The following PTK2 variants were observed in gnomAD, a reference collection of about 807,000 sequenced individuals.
PTK2 encodes protein tyrosine kinase 2, also known as focal adhesion kinase 1.
In PTK2, 45 loss-of-function variants were observed where a neutral mutation model predicts 150.1. The ratio of observed to expected loss-of-function variants is 0.30; its 90% confidence interval spans 0.24 to 0.38. The LOEUF (loss-of-function observed/expected upper bound fraction) is 0.38, where lower values mean the gene tolerates loss of function less well. PTK2 is among the 10% of genes least tolerant of loss of function. The pLI, the probability that PTK2 is intolerant of heterozygous loss-of-function variation, is 1.00. For missense variants in PTK2, 919 were observed against 1,307.3 expected, an observed-to-expected ratio of 0.70 and a Z score of 4.58; for synonymous variants, 432 against 449.2, an observed-to-expected ratio of 0.96 and a Z score of 0.48.
At chr8:140,794,877 T>C (rs1266322049) in intron 12 of PTK2, among the ~76,000 whole-genome samples, 1 of 152,166 alleles carries the variant, frequency 6.6e-6, no homozygotes, top group East Asian at 1.9e-4. Flanking sequence ...CCTGAACTTG[T>C]CTACATGACA....
intron 1 of PTK2, among the ~76,000 whole-genome samples, chr8:140,928,972 T>A (rs1345591268): frequency 1.5e-5 from 2 of 137,044 alleles, no homozygotes; most frequent in Non-Finnish European, 3.1e-5. Context: ...TTTTTTTTTT[T>A]TTTTTTTTTT....
At chr8:140,658,615 C>T in exon 32 of PTK2, 1 of 205,046 alleles carries the variant, frequency 4.9e-6, no homozygotes, top group East Asian at 7.4e-5. Context: ...GGTTAGTTAA[C>T]TCCAGTGGCT....
At chr8:140,979,726 T>C (rs1216656305) in intron 1 of PTK2, among the ~76,000 whole-genome samples, 1 of 152,104 alleles carries the variant, frequency 6.6e-6, no homozygotes, top group Non-Finnish European at 1.5e-5. Context: ...CTCTTTCCCG[T>C]GATGTTCTCG....
intron 5 of PTK2, among the ~76,000 whole-genome samples, chr8:140,851,930 A>AGT (rs1339531714): frequency 2.6e-5 from 4 of 151,618 alleles, no homozygotes; most frequent in East Asian, 1.9e-4. Context: ...TTTGATGTTG[A>AGT]GTGTGTGTGT....
At chr8:140,700,737 A>T in intron 26 of PTK2, 154 bp downstream of exon 29, 3 of 969,644 alleles carry the variant, frequency 3.1e-6, no homozygotes, top group Non-Finnish European at 4.4e-6. Flanking sequence ...CAGCCTCCCA[A>T]ATAGGCCACC....
At chr8:140,853,498 T>C (rs1033689052) in intron 5 of PTK2, among the ~76,000 whole-genome samples, 5 of 151,884 alleles carry the variant, frequency 3.3e-5, no homozygotes, top group Admixed American at 3.3e-4. Context: ...GCTTCATCCA[T>C]GTCCCTACAA....
intron 3 of PTK2, among the ~76,000 whole-genome samples, chr8:140,881,616 TCTA>T (rs1307729075): frequency 2.6e-5 from 4 of 152,212 alleles, no homozygotes; most frequent in African/African-American, 4.8e-5. Flanking sequence ...GGTCACTTGG[TCTA>T]CTAACCTTCC....
chr8:140,855,272 C>A (rs1317806639), intron 5 of PTK2, among the ~76,000 whole-genome samples: 1 of 152,110 alleles, frequency 6.6e-6, no homozygotes, highest in African/African-American at 2.4e-5. Flanking sequence ...TCACAACAAT[C>A]CCCTCTGCCC....
intron 1 of PTK2, among the ~76,000 whole-genome samples, chr8:140,957,489 T>C (rs2100181596): frequency 6.6e-6 from 1 of 152,156 alleles, no homozygotes; most frequent in Non-Finnish European, 1.5e-5. Context: ...TGAAGAAAAA[T>C]ATTTTTTATA....
At chr8:140,947,768 T>G (rs1425901540) in intron 1 of PTK2, among the ~76,000 whole-genome samples, 1 of 152,152 alleles carries the variant, frequency 6.6e-6, no homozygotes, top group Non-Finnish European at 1.5e-5. Context: ...GATGAGGCTT[T>G]GGGCCTGGCC....
Position 140,738,744 on chromosome 8 carries a change from G to A in PTK2, c.1825+274C>T, listed in dbSNP as rs2100053983. On this transcript the variant is annotated intron_variant, in intron 21 of 31. Coordinates refer to ENST00000522684, the Ensembl canonical transcript of PTK2. ...AAATAAGCAAAATATCCCCCTGTGA[G>A]GAAAGAAGAGACAGCAAAGGGGAAC... is the stretch of plus-strand genomic sequence containing the variant. 2.0e-5 allele frequency among the ~76,000 whole-genome samples: 3 copies of A among 152,134 alleles called. No individual in the cohort carries two copies. The South Asian group carries it at 6.2e-4, about 32-fold the overall frequency.
Position 140,752,212 on chromosome 8 carries a change from A to G in PTK2, c.1417+20T>C. On this transcript the variant is annotated intron_variant, in intron 17 of 31. Coordinates refer to ENST00000522684, the Ensembl canonical transcript of PTK2. ...GATAGAAAGTCAAATGGAGTTCCAC[A>G]GAAATTTCTAGACACTTACAGGCTT... 1 of 1,590,796 alleles carries G rather than the reference A, an allele frequency of 6.3e-7. No homozygotes were observed. The highest frequency in any genetic ancestry group is 8.6e-7 in the Non-Finnish European group (1 of 1,160,650).
intron 2 of PTK2, among the ~76,000 whole-genome samples, chr8:140,891,266 C>T (rs930783915): frequency 1.3e-5 from 2 of 151,986 alleles, no homozygotes; most frequent in Admixed American, 6.6e-5. Flanking sequence ...CCTGGCTTAA[C>T]CAATTCATTG....
At chr8:140,868,209 G>A (rs2100140458) in intron 4 of PTK2, among the ~76,000 whole-genome samples, 1 of 152,140 alleles carries the variant, frequency 6.6e-6, no homozygotes, top group Admixed American at 6.5e-5. Context: ...TTAAGAATAT[G>A]ATAGTCCTGA....
intron 27 of PTK2, among the ~76,000 whole-genome samples, chr8:140,682,528 T>C (rs2100017650): frequency 8.0e-6 from 1 of 124,894 alleles, no homozygotes; most frequent in Non-Finnish European, 1.9e-5. Flanking sequence ...GGCTTATTAC[T>C]AAAAGGCCTT....
At chr8:140,821,989 T>C (rs1043503482) in intron 8 of PTK2, 8 of 152,242 alleles carry the variant, frequency 5.3e-5, no homozygotes, top group African/African-American at 1.9e-4. Context: ...TCTCTGCTTA[T>C]GATCACCTAT....
At chr8:140,897,645 G>C (rs2100156817) in intron 2 of PTK2, among the ~76,000 whole-genome samples, 2 of 152,148 alleles carry the variant, frequency 1.3e-5, no homozygotes, top group East Asian at 3.8e-4. Flanking sequence ...TCAGTTCAAA[G>C]AATGGCCTCA....
chr8:140,850,717 G>A (rs960965560), intron 5 of PTK2, among the ~76,000 whole-genome samples: 8 of 152,102 alleles, frequency 5.3e-5, no homozygotes, highest in South Asian at 4.1e-4. Flanking sequence ...GCGACAGAGC[G>A]AGACTCCATC....
At chr8:140,892,485 G>A (rs1237542677) in intron 2 of PTK2, 3 of 293,640 alleles carry the variant, frequency 1.0e-5, no homozygotes, top group East Asian at 1.3e-4. Flanking sequence ...ACAGTGAGCC[G>A]AGATCGTGCC....
Sources: allele counts gnomAD v4.1 joint callset (sites outside exome capture counted in the v4.1 genomes callset), GRCh38; gene constraint gnomAD v4.1.1; transcripts MANE v1.5; gene names NCBI Gene and HGNC (gene_info 2026-07-23, HGNC 2026-07-21).